NR2F1-AS1: variants seen among roughly 807,000 people sequenced by gnomAD.
NR2F1-AS1 encodes NR2F1 regulatory antisense RNA 1.
chr5:93,451,313 G>A (rs1463506260), intron 4 of NR2F1-AS1, among the ~76,000 whole-genome samples: 2 of 142,092 alleles, frequency 1.4e-5, no homozygotes, highest in Admixed American at 6.9e-5. Flanking sequence ...TTTAGAGTAG[G>A]GTTTTTGAAA....
chr5:93,555,338 A>G (rs1457618967), intron 2 of NR2F1-AS1, among the ~76,000 whole-genome samples: 1 of 152,188 alleles, frequency 6.6e-6, no homozygotes, highest in African/African-American at 2.4e-5. Flanking sequence ...GGCTTTAAAG[A>G]ATGAGTTGCT....
chr5:93,584,194 C>T (rs1168324032), upstream of NR2F1-AS1: 1 of 148,736 alleles, frequency 6.7e-6, no homozygotes, highest in Non-Finnish European at 1.5e-5. Context: ...GGCCTCCGCT[C>T]GCGCTCCGGC....
intron 4 of NR2F1-AS1, among the ~76,000 whole-genome samples, chr5:93,471,294 G>C (rs1483157348): frequency 3.3e-5 from 5 of 151,850 alleles, no homozygotes; most frequent in African/African-American, 1.2e-4. Flanking sequence ...GGTAAGATAT[G>C]TTGTGTTAAT....
At chr5:93,560,875 A>G (rs978935426) in intron 2 of NR2F1-AS1, among the ~76,000 whole-genome samples, 2 of 152,256 alleles carry the variant, frequency 1.3e-5, no homozygotes, top group South Asian at 4.1e-4. Flanking sequence ...ATTTGCTCCT[A>G]TATCTACATA....
At position 93,486,614 on chromosome 5, in the gene NR2F1-AS1, C is replaced by T. The variant is rs1225452646; in HGVS notation, n.638+67147G>A. Among the ~76,000 whole-genome samples, 11 of 152,276 alleles carry T rather than the reference C, an allele frequency of 7.2e-5. No individual in the cohort carries two copies. The East Asian group carries it at 2.1e-3, about 29-fold the overall frequency. ...GCAGCAATAATTAATAGCCTACCAACCAAAACAAAAGCCCAGGACCAAACA... is the reference window on the plus strand; with the variant it reads ...GCAGCAATAATTAATAGCCTACCAATCAAAACAAAAGCCCAGGACCAAACA... On this transcript the variant is annotated intron_variant and non_coding_transcript_variant, in intron 4 of 5. Coordinates refer to ENST00000660523, the Ensembl canonical transcript of NR2F1-AS1.
At chr5:93,530,624 C>A (rs1354476634) in intron 4 of NR2F1-AS1, among the ~76,000 whole-genome samples, 1 of 152,192 alleles carries the variant, frequency 6.6e-6, no homozygotes, top group East Asian at 1.9e-4. Context: ...TAACTGCCCC[C>A]TCTTAAAATG....
chr5:93,445,513 T>G (rs1039837972), intron 4 of NR2F1-AS1, among the ~76,000 whole-genome samples: 1 of 151,918 alleles, frequency 6.6e-6, no homozygotes, highest in Non-Finnish European at 1.5e-5. Context: ...GTTGAATCCC[T>G]GAATAGACCA....
intron 4 of NR2F1-AS1, among the ~76,000 whole-genome samples, chr5:93,510,174 G>A (rs2149890285): frequency 6.6e-6 from 1 of 152,154 alleles, no homozygotes; most frequent in East Asian, 1.9e-4. Context: ...CAGGGTCATG[G>A]CAGTTTTTAT....
chr5:93,499,176 A>AT (rs1482938855), intron 4 of NR2F1-AS1, among the ~76,000 whole-genome samples: 1 of 152,194 alleles, frequency 6.6e-6, no homozygotes, highest in African/African-American at 2.4e-5. Flanking sequence ...ACATCCTTTA[A>AT]AATTGTTTCA....
intron 3 of NR2F1-AS1, chr5:93,553,945 C>T (rs566292408): frequency 6.6e-6 from 1 of 152,182 alleles, no homozygotes; most frequent in African/African-American, 2.4e-5. Context: ...TGCCCTTGGT[C>T]CCAAACTACC....
chr5:93,538,617 C>A (rs1751888371), intron 4 of NR2F1-AS1, among the ~76,000 whole-genome samples: 1 of 152,150 alleles, frequency 6.6e-6, no homozygotes, highest in Non-Finnish European at 1.5e-5. Context: ...GTAGGAAATA[C>A]TTCTTATAAT....
At chr5:93,573,169 G>A (rs941122808) in intron 1 of NR2F1-AS1, among the ~76,000 whole-genome samples, 1 of 152,226 alleles carries the variant, frequency 6.6e-6, no homozygotes, top group African/African-American at 2.4e-5. Flanking sequence ...GCTCCCTGCC[G>A]AAGGCCCAGA....
chr5:93,457,883 G>A (rs73772359), intron 4 of NR2F1-AS1, among the ~76,000 whole-genome samples: 1,907 of 152,016 alleles, frequency 0.013, 47 homozygotes, highest in African/African-American at 0.043. Context: ...GCTCAACTGC[G>A]GTGTCTCCAT....
In NR2F1-AS1 at chr5:93,550,546, C is replaced by T. The variant is rs529918253; in HGVS notation, n.638+3215G>A. ...AAGAGAAAATCTAACTGTTTTGCAA[C>T]TAGGCTCAGGCAACTGCCCAGGCAG... On this transcript the variant is annotated intron_variant and non_coding_transcript_variant, in intron 4 of 5. Coordinates refer to ENST00000660523, the Ensembl canonical transcript of NR2F1-AS1. 3.3e-5 allele frequency among the ~76,000 whole-genome samples: 5 copies of T among 152,338 alleles called. No individual in the cohort carries two copies. In the East Asian group the frequency reaches 5.8e-4, roughly 18 times the overall value.
intron 4 of NR2F1-AS1, among the ~76,000 whole-genome samples, chr5:93,504,405 T>C (rs1409779547): frequency 2.0e-5 from 3 of 152,178 alleles, no homozygotes; most frequent in African/African-American, 7.2e-5. Context: ...CAAAAGTTTA[T>C]AGACAAGTAT....
At chr5:93,455,016 A>C (rs1279030478) in intron 4 of NR2F1-AS1, among the ~76,000 whole-genome samples, 1 of 152,162 alleles carries the variant, frequency 6.6e-6, no homozygotes, top group Non-Finnish European at 1.5e-5. Context: ...GCACTCCAAC[A>C]AATTAATGAA....
chr5:93,550,525 G>C (rs1309801933), intron 4 of NR2F1-AS1, among the ~76,000 whole-genome samples: 1 of 152,202 alleles, frequency 6.6e-6, no homozygotes, highest in Admixed American at 6.5e-5. Flanking sequence ...AAGAAGAAGA[G>C]AAAATCTAAC....
At chr5:93,565,408 T>C (rs1342384492) in intron 1 of NR2F1-AS1, among the ~76,000 whole-genome samples, 1 of 152,066 alleles carries the variant, frequency 6.6e-6, no homozygotes, top group Non-Finnish European at 1.5e-5. Context: ...AAAGTATTTA[T>C]TTAAAAAGTA....
intron 4 of NR2F1-AS1, among the ~76,000 whole-genome samples, chr5:93,524,196 C>G (rs1450679629): frequency 6.6e-6 from 1 of 151,578 alleles, no homozygotes; most frequent in Non-Finnish European, 1.5e-5. Context: ...CAGCATGAGA[C>G]CTTCGTGAAG....
Sources: gnomAD v4.1 joint callset for allele counts (sites outside exome capture counted in the v4.1 genomes callset) on GRCh38, gnomAD v4.1.1 for gene constraint, MANE v1.5 for transcripts, NCBI Gene and HGNC (gene_info 2026-07-23, HGNC 2026-07-21) for gene names.